Variants in ZBTB16 observed in about 807,000 individuals in gnomAD.
The protein encoded by ZBTB16 is zinc finger and BTB domain containing 16.
A neutral mutation model predicts 56.8 loss-of-function variants in ZBTB16; 8 were observed. The observed-to-expected ratio is 0.14, with a 90% CI of 0.08 to 0.25. The LOEUF (loss-of-function observed/expected upper bound fraction) is 0.25, where lower values mean the gene tolerates loss of function less well. Ranked by LOEUF, ZBTB16 falls within the 10% of genes least tolerant of loss-of-function variation. ZBTB16 has a pLI of 1.00. For synonymous variants in ZBTB16, 363 were observed against 368.5 expected, an observed-to-expected ratio of 0.98 and a Z score of 0.17; for missense variants, 625 against 903.0, an observed-to-expected ratio of 0.69 and a Z score of 3.95.
intron 2 of ZBTB16, among the ~76,000 whole-genome samples, chr11:114,096,250 T>C (rs1940401411): frequency 6.6e-6 from 1 of 152,158 alleles, no homozygotes; most frequent in Non-Finnish European, 1.5e-5. Context: ...GTTGCCAGGC[T>C]TTGGATATTG....
In ZBTB16 at chr11:114,249,637, C is replaced by T. The variant is rs112890888; in HGVS notation, c.1793-689C>T. ...AAAATTAGCCGGGCGCGGTGGCAGG[C>T]GCCTGTAGTCCCAGCTACTCGGGAG... On this transcript the variant is annotated intron_variant, in intron 6 of 6. Transcript: ENST00000335953. Among the ~76,000 whole-genome samples the T allele has an allele frequency of 6.4e-3, 931 of 146,556 alleles. 8 individuals are homozygous for T. The highest frequency in any genetic ancestry group is 0.03 in the South Asian group (132 of 4,440).
intron 2 of ZBTB16, among the ~76,000 whole-genome samples, chr11:114,130,417 G>A (rs985580280): frequency 7.9e-5 from 12 of 152,220 alleles, no homozygotes; most frequent in Non-Finnish European, 1.5e-4. Context: ...TAGTTGAGAC[G>A]TGGCACTTGT....
At chr11:114,066,751 C>T (rs1227382198) in intron 2 of ZBTB16, among the ~76,000 whole-genome samples, 1 of 147,366 alleles carries the variant, frequency 6.8e-6, no homozygotes, top group Non-Finnish European at 1.5e-5. Context: ...CTTTCTGGGC[C>T]TTGTTTCACT....
chr11:114,080,521 T>C (rs1434971531), intron 2 of ZBTB16, among the ~76,000 whole-genome samples: 1 of 152,048 alleles, frequency 6.6e-6, no homozygotes, highest in Non-Finnish European at 1.5e-5. Flanking sequence ...GAAGGATGAG[T>C]CATTCCCATT....
At chr11:114,174,741 G>A (rs1337979953) in intron 3 of ZBTB16, among the ~76,000 whole-genome samples, 2 of 152,234 alleles carry the variant, frequency 1.3e-5, no homozygotes, top group African/African-American at 2.4e-5. Flanking sequence ...CCAATTGGCA[G>A]AGCTCTGTAT....
intron 2 of ZBTB16, among the ~76,000 whole-genome samples, chr11:114,065,254 C>T (rs1241383726): frequency 1.3e-5 from 2 of 152,244 alleles, no homozygotes; most frequent in Non-Finnish European, 2.9e-5. Context: ...TCTGCTCACA[C>T]TGAACTAAAT....
At chr11:114,130,633 A>C (rs953905266) in intron 2 of ZBTB16, among the ~76,000 whole-genome samples, 13 of 152,250 alleles carry the variant, frequency 8.5e-5, no homozygotes, top group African/African-American at 3.1e-4. Flanking sequence ...AGCTCTGGAC[A>C]ACCAAAAAGA....
rs143949460 is a variant in ZBTB16 at position 114,204,246 on chromosome 11, C to T, written c.1453+17208C>T. On this transcript the variant is annotated intron_variant, in intron 4 of 6. Coordinates refer to ENST00000335953, the MANE Select transcript of ZBTB16 (RefSeq NM_006006.6). ...TCGGCTCACTGCCACCTCTACCTTC[C>T]GGGTTCAAGCGATTCTCCTGCCTCA... Among the ~76,000 whole-genome samples, 1,126 of 151,906 alleles carry T rather than the reference C, an allele frequency of 7.4e-3. 16 individuals carry two copies. The highest frequency in any genetic ancestry group is 0.024 in the African/African-American group (991 of 41,400).
chr11:114,182,751 A>G (rs1418462086), intron 3 of ZBTB16, among the ~76,000 whole-genome samples: 1 of 152,158 alleles, frequency 6.6e-6, no homozygotes, highest in Non-Finnish European at 1.5e-5. Context: ...TGGCTGCATG[A>G]TGTCACCGTA....
intron 2 of ZBTB16, among the ~76,000 whole-genome samples, chr11:114,124,146 A>G (rs997093752): frequency 2.6e-5 from 4 of 152,156 alleles, no homozygotes; most frequent in African/African-American, 4.8e-5. Flanking sequence ...CATCTGTGTC[A>G]TGTTTGCTCA....
intron 2 of ZBTB16, among the ~76,000 whole-genome samples, chr11:114,072,913 G>A (rs1270284403): frequency 3.9e-5 from 6 of 152,000 alleles, no homozygotes; most frequent in Non-Finnish European, 7.4e-5. Flanking sequence ...TTAGCCGGGC[G>A]TGGTGGGGGG....
chr11:114,084,199 G>T (rs921709700), intron 2 of ZBTB16, among the ~76,000 whole-genome samples: 1 of 151,958 alleles, frequency 6.6e-6, no homozygotes, highest in African/African-American at 2.4e-5. Context: ...TCATTTTTTG[G>T]TGGCAGTAGG....
chr11:114,165,329 C>G (rs939345374), intron 3 of ZBTB16, among the ~76,000 whole-genome samples: 2 of 152,284 alleles, frequency 1.3e-5, no homozygotes, highest in Non-Finnish European at 1.5e-5. Flanking sequence ...GATGTTCCCC[C>G]CAAATCCCAG....
intron 2 of ZBTB16, among the ~76,000 whole-genome samples, chr11:114,099,469 A>G (rs1940533202): frequency 6.6e-6 from 1 of 152,162 alleles, no homozygotes; most frequent in Non-Finnish European, 1.5e-5. Context: ...GCTTAAAAAA[A>G]AAAAAAGTAG....
intron 2 of ZBTB16, among the ~76,000 whole-genome samples, chr11:114,142,520 C>A (rs1002966432): frequency 1.3e-5 from 2 of 152,208 alleles, no homozygotes; most frequent in Non-Finnish European, 2.9e-5. Context: ...TCAACATATG[C>A]GCTGTTGACA....
intron 2 of ZBTB16, among the ~76,000 whole-genome samples, chr11:114,142,843 C>T (rs891014161): frequency 3.3e-5 from 5 of 152,076 alleles, no homozygotes; most frequent in African/African-American, 9.7e-5. Flanking sequence ...TCTGCCTCCT[C>T]CCCCATCCCC....
intron 4 of ZBTB16, 44 bp from the exon 5 acceptor site, chr11:114,242,123 G>T: frequency 6.2e-7 from 1 of 1,611,654 alleles, no homozygotes. Flanking sequence ...AATGCACCTT[G>T]TATTCCCACC....
In ZBTB16 at chr11:114,251,921, T is replaced by C. The variant is rs1353386036; in HGVS notation, c.*1366T>C. 6.6e-6 allele frequency among the ~76,000 whole-genome samples: 1 copy of C among 152,222 alleles called. No individual in the cohort carries two copies. Among genetic ancestry groups the C allele is most frequent in the East Asian group, 1.9e-4 (1 of 5,198 alleles). ...GCTTTCTTAACCTCTGTATCTCTTT[T>C]TCGGTTGGGGCTTGGAGGAATGGGG... On this transcript the variant is annotated 3_prime_UTR_variant, in exon 7 of 7. Transcript: ENST00000335953.
intron 4 of ZBTB16, among the ~76,000 whole-genome samples, chr11:114,239,910 T>C (rs944042042): frequency 3.9e-5 from 6 of 152,230 alleles, no homozygotes; most frequent in Non-Finnish European, 8.8e-5. Flanking sequence ...TCTGCCTCTT[T>C]CTGTGTGATC....
Sources: allele counts gnomAD v4.1 joint callset (sites outside exome capture counted in the v4.1 genomes callset), GRCh38; gene constraint gnomAD v4.1.1; transcripts MANE v1.5; gene names NCBI Gene and HGNC (gene_info 2026-07-23, HGNC 2026-07-21).